Variants in TNRC6B observed in about 807,000 individuals in gnomAD.
TNRC6B encodes trinucleotide repeat-containing gene 6B protein.
A neutral mutation model predicts 203.6 loss-of-function variants in TNRC6B; 52 were observed. The ratio of observed to expected loss-of-function variants is 0.26; its 90% CI spans 0.20 to 0.32. The LOEUF is 0.32. TNRC6B is among the 10% of genes least tolerant of loss of function. TNRC6B has a pLI of 1.00. For synonymous variants in TNRC6B, 838 were observed against 845.7 expected, an observed-to-expected ratio of 0.99 and a Z score of 0.16; for missense variants, 1,923 against 2,286.2, an observed-to-expected ratio of 0.84 and a Z score of 3.24.
At chr22:40,059,861 T>G (rs2067834114) in intron 1 of TNRC6B, among the ~76,000 whole-genome samples, 1 of 150,008 alleles carries the variant, frequency 6.7e-6, no homozygotes, top group African/African-American at 2.5e-5. Flanking sequence ...TCTCGCTCTG[T>G]TGCCAGGCTG....
intron 1 of TNRC6B, among the ~76,000 whole-genome samples, chr22:40,213,076 G>C (rs2069586780): frequency 6.6e-6 from 1 of 152,158 alleles, no homozygotes; most frequent in Admixed American, 6.6e-5. Flanking sequence ...GTCTTCTCGT[G>C]TATAACTTCT....
At chr22:40,231,306 T>C (rs911597989) in intron 1 of TNRC6B, among the ~76,000 whole-genome samples, 1 of 152,218 alleles carries the variant, frequency 6.6e-6, no homozygotes, top group African/African-American at 2.4e-5. Flanking sequence ...GATTTTAATA[T>C]AAAGATTTCG....
chr22:40,068,200 T>C (rs6001741), intron 1 of TNRC6B, among the ~76,000 whole-genome samples: 36,351 of 152,138 alleles, frequency 0.24, 4,887 homozygotes, highest in African/African-American at 0.35. Context: ...TTTCAGCTTT[T>C]ATTTTCTGTA....
At position 40,256,841 on chromosome 22, in the gene TNRC6B, G is replaced by A. The variant is rs181552299; in HGVS notation, c.116-4991G>A. Among the ~76,000 whole-genome samples the A allele has an allele frequency of 2.2e-3, 328 of 152,310 alleles. 2 individuals carry two copies. Among genetic ancestry groups the A allele is most frequent in the African/African-American group, 6.8e-3 (282 of 41,570 alleles). ...ACAGAAATGGGAGGGAGGGAATGACGAGTGGTGTCAGAAGCTGCAGAAAAA... is the reference window on the plus strand; with the variant it reads ...ACAGAAATGGGAGGGAGGGAATGACAAGTGGTGTCAGAAGCTGCAGAAAAA... On this transcript the variant is annotated intron_variant, in intron 3 of 22. Coordinates refer to ENST00000454349, the MANE Select transcript of TNRC6B (RefSeq NM_001162501.2).
chr22:40,240,217 T>A (rs1457027987), intron 1 of TNRC6B, among the ~76,000 whole-genome samples: 1 of 152,218 alleles, frequency 6.6e-6, no homozygotes, highest in African/African-American at 2.4e-5. Context: ...AACACTGTTG[T>A]ATTCGCTCTT....
chr22:40,222,561 A>G (rs2069724177), intron 1 of TNRC6B, among the ~76,000 whole-genome samples: 1 of 152,136 alleles, frequency 6.6e-6, no homozygotes, highest in Non-Finnish European at 1.5e-5. Flanking sequence ...TTTGACTTCC[A>G]GATCCGTATC....
rs112635840 is a variant in TNRC6B, at chr22:40,049,302, G to T, written c.-121+4304G>T. ...TCAGCCTCCCAAAGTGCTAGGACAC[G>T]GATGAGCCACCGTGCCCAGTCAGCT... is the stretch of plus-strand genomic sequence containing the variant. On this transcript the variant is annotated intron_variant, in intron 1 of 23. Coordinates refer to the TNRC6B transcript ENST00000301923. 1.7e-3 allele frequency among the ~76,000 whole-genome samples: 254 copies of T among 151,776 alleles called. 1 individual carries two copies. The highest frequency in any genetic ancestry group is 5.9e-3 in the African/African-American group (245 of 41,410).
chr22:40,200,581 C>A (rs2069399624), intron 1 of TNRC6B, among the ~76,000 whole-genome samples: 1 of 151,874 alleles, frequency 6.6e-6, no homozygotes, highest in African/African-American at 2.4e-5. Flanking sequence ...AGCCACCGCG[C>A]CCGGCTAAAA....
chr22:40,110,409 C>G (rs1308685230), intron 1 of TNRC6B, among the ~76,000 whole-genome samples: 3 of 152,220 alleles, frequency 2.0e-5, no homozygotes, highest in African/African-American at 7.2e-5. Context: ...TGAGTTGAAT[C>G]TGCTGTTTCA....
chr22:40,170,567 TTA>T (rs1292851956), intron 4 of TNRC6B, among the ~76,000 whole-genome samples: 8 of 75,622 alleles, frequency 1.1e-4, no homozygotes, highest in Non-Finnish European at 1.6e-4. Flanking sequence ...TTTATATATA[TTA>T]TATATATAGT....
intron 4 of TNRC6B, among the ~76,000 whole-genome samples, chr22:40,171,157 T>G (rs957928155): frequency 2.4e-5 from 3 of 125,002 alleles, no homozygotes; most frequent in African/African-American, 9.1e-5. Context: ...TAAATGCTAA[T>G]TTTTTTTTTT....
intron 15 of TNRC6B, among the ~76,000 whole-genome samples, chr22:40,305,759 G>A (rs753165761): frequency 4.3e-4 from 65 of 152,052 alleles, no homozygotes; most frequent in Non-Finnish European, 6.6e-4. Context: ...CTACTGTGGT[G>A]GCATTTGATC....
Position 40,270,280 on chromosome 22 carries a change from A to G in TNRC6B, c.2965A>G (p.Asn989Asp). 1.4e-6 allele frequency: 2 copies of G among 1,402,986 alleles called. No individual in the cohort carries two copies. The highest frequency in any genetic ancestry group is 1.9e-6 in the Non-Finnish European group (2 of 1,073,212). 86.9% of individuals were successfully genotyped at this position (1,402,986 alleles called of 1,614,324 possible). ...PANAPNAMKP[N>D]SKSMQDGWGE... The stretch of plus-strand genomic sequence containing the variant: ...CAACGCTCCCAATGCCATGAAGCCT[A>G]GTAAGTGTGAAGCTTTTCATTTTTG... The change falls in exon 6 of 23, where the codon AAT becomes GAT. Residue 989 changes from asparagine (N) to aspartate (D), a missense_variant and splice_region_variant. Asn to Asp is a conservative substitution (Grantham distance 23). Around this residue, in one of 8 missense-constraint regions of TNRC6B, gnomAD observed 599 missense variants for 656.5 expected, o/e 0.91. Transcript: ENST00000454349.
At chr22:40,232,076 G>A (rs923504903) in intron 1 of TNRC6B, among the ~76,000 whole-genome samples, 4 of 152,116 alleles carry the variant, frequency 2.6e-5, no homozygotes, top group East Asian at 1.9e-4. Flanking sequence ...TGGCACTGAC[G>A]GTATTAATAG....
At chr22:40,256,710 A>G (rs553982654) in intron 3 of TNRC6B, among the ~76,000 whole-genome samples, 1 of 152,198 alleles carries the variant, frequency 6.6e-6, no homozygotes, top group Non-Finnish European at 1.5e-5. Flanking sequence ...AATATTTACT[A>G]TCTGGCCCTT....
Position 40,225,742 on chromosome 22 carries a change from C to CAAAAAAAAA in TNRC6B, c.6-20256_6-20248dup, listed in dbSNP as rs34769532. On this transcript the variant is annotated intron_variant, in intron 1 of 22. Transcript: ENST00000454349. ...TGAGCGACAGAGTGAGACTCCGTCT[C>CAAAAAAAAA]AAAAAAAAAAAAAAAAAAAAAAAAA... 3.9e-4 allele frequency among the ~76,000 whole-genome samples: 25 copies of CAAAAAAAAA among 64,368 alleles called. 1 individual carries two copies. Among genetic ancestry groups the CAAAAAAAAA allele is most frequent in the Admixed American group, 6.4e-4 (3 of 4,668 alleles). 42.2% of individuals were successfully genotyped at this position (64,368 alleles called of 152,430 possible).
chr22:40,110,057 A>G (rs1356858342), intron 1 of TNRC6B, among the ~76,000 whole-genome samples: 1 of 152,236 alleles, frequency 6.6e-6, no homozygotes, highest in East Asian at 1.9e-4. Flanking sequence ...ACCTCATAAA[A>G]TCAATATGCA....
chr22:40,288,318 G>A (rs926485500), intron 12 of TNRC6B, among the ~76,000 whole-genome samples: 8 of 152,190 alleles, frequency 5.3e-5, no homozygotes, highest in South Asian at 2.1e-4. Flanking sequence ...AGTCACCCCC[G>A]TGTGATCTTT....
Position 40,265,273 on chromosome 22 carries a change from C to CAAGGAA in TNRC6B, c.1045_1046insGGAAAA (p.Ser348_Lys349insArgLys), listed in dbSNP as rs766792248. The stretch of plus-strand genomic sequence containing the variant: ...GGTCAGACATCCAGGGAACAGCAGT[C>CAAGGAA]AAAGATGGAAAATGCGGGTGTTAAT... On this transcript the variant is annotated inframe_insertion, in exon 5 of 23. Coordinates refer to ENST00000454349, the MANE Select transcript of TNRC6B (RefSeq NM_001162501.2). 1 of 1,613,974 alleles carries CAAGGAA rather than the reference C, an allele frequency of 6.2e-7. No individual in the cohort carries two copies. Among genetic ancestry groups the CAAGGAA allele is most frequent in the Admixed American group, 1.7e-5 (1 of 60,004 alleles).
Sources: gnomAD v4.1 joint callset for allele counts (sites outside exome capture counted in the v4.1 genomes callset) on GRCh38, gnomAD v4.1.1 for gene constraint, gnomAD v4.1.1 regional missense constraint, MANE v1.5 for transcripts, NCBI Gene and HGNC (gene_info 2026-07-23, HGNC 2026-07-21) for gene names.